CDK17: variants seen among roughly 807,000 people sequenced by gnomAD.
CDK17 encodes the protein cyclin dependent kinase 17, also known as cyclin-dependent kinase 17.
A neutral mutation model predicts 77.6 loss-of-function variants in CDK17; 24 were observed. That is an observed-to-expected ratio of 0.31 (90% CI 0.22 to 0.44). The LOEUF (loss-of-function observed/expected upper bound fraction) is 0.44. CDK17 is among the 20% of genes least tolerant of loss of function. The probability of loss-of-function intolerance (pLI) is 1.00; values close to 1 mark genes in which losing one functional copy is unlikely to be tolerated. For synonymous variants in CDK17, 203 were observed against 210.4 expected (o/e 0.96, Z 0.30); for missense variants, 429 against 622.5 (o/e 0.69, Z 3.31).
intron 2 of CDK17, among the ~76,000 whole-genome samples, chr12:96,327,507 C>T (rs1407347256): frequency 1.3e-5 from 2 of 152,154 alleles, no homozygotes; most frequent in Non-Finnish European, 2.9e-5. Context: ...TACCACCCAG[C>T]TTTTAGTCAG....
At chr12:96,345,083 G>T (rs147482986) in intron 1 of CDK17, among the ~76,000 whole-genome samples, 1 of 152,122 alleles carries the variant, frequency 6.6e-6, no homozygotes, top group African/African-American at 2.4e-5. Context: ...GAGGTGTTTG[G>T]TTTTCTGTTT....
intron 1 of CDK17, among the ~76,000 whole-genome samples, chr12:96,384,624 G>A (rs1592769858): frequency 6.6e-6 from 1 of 152,188 alleles, no homozygotes; most frequent in East Asian, 1.9e-4. Context: ...GGATGCAGCT[G>A]GAGACCATTA....
chr12:96,364,937 G>A (rs1430378830), intron 1 of CDK17, among the ~76,000 whole-genome samples: 1 of 152,090 alleles, frequency 6.6e-6, no homozygotes, highest in Non-Finnish European at 1.5e-5. Flanking sequence ...TGCAGAACTT[G>A]GCAAAAGCAT....
At chr12:96,396,752 G>T (rs191218805) in intron 1 of CDK17, among the ~76,000 whole-genome samples, 94 of 152,090 alleles carry the variant, frequency 6.2e-4, no homozygotes, top group Non-Finnish European at 1.1e-3. Flanking sequence ...TATCCATCCT[G>T]AAAGTCTAAA....
chr12:96,295,838 T>C (rs533024741), intron 9 of CDK17, among the ~76,000 whole-genome samples: 1 of 152,306 alleles, frequency 6.6e-6, no homozygotes, highest in African/African-American at 2.4e-5. Context: ...GAGTTTTTGC[T>C]GTACATTTTG....
At chr12:96,318,445 G>A (rs201747215) in intron 3 of CDK17, among the ~76,000 whole-genome samples, 3,985 of 113,492 alleles carry the variant, frequency 0.035, 60 homozygotes, top group South Asian at 0.077. Context: ...TGCACCAAGC[G>A]GACCTAATAG....
At chr12:96,347,859 C>A (rs866056041) in intron 1 of CDK17, among the ~76,000 whole-genome samples, 1 of 152,020 alleles carries the variant, frequency 6.6e-6, no homozygotes, top group Non-Finnish European at 1.5e-5. Flanking sequence ...CTTTTCCAAT[C>A]AAAATGGAAT....
intron 1 of CDK17, among the ~76,000 whole-genome samples, chr12:96,384,048 T>C (rs960465269): frequency 4.0e-5 from 6 of 150,096 alleles, no homozygotes; most frequent in Non-Finnish European, 5.9e-5. Flanking sequence ...ATACGGAACT[T>C]AAATCCACAA....
chr12:96,313,828 G>C (rs909745423), intron 3 of CDK17, among the ~76,000 whole-genome samples: 63 of 152,128 alleles, frequency 4.1e-4, no homozygotes, highest in Non-Finnish European at 7.5e-4. Flanking sequence ...TAGATGCAGA[G>C]CTGGAATAGA....
rs1324451500 is a variant in CDK17, at chr12:96,286,702, G to A, written c.1178C>T (p.Thr393Ile). ...AATTAAGTGCAGTTCATCTTCCACG[G>A]TTGATCCTGGAAATAAAGGTCTTCC... The part of the protein sequence containing the change: ...ASGRPLFPGS[T>I]VEDELHLIFR... Residue 393 changes from threonine to isoleucine, a missense_variant, in exon 12 of 17, where the codon ACC becomes ATC. Transcript: ENST00000261211. 27 of 1,613,322 alleles carry A rather than the reference G, an allele frequency of 1.7e-5. No individual in the cohort carries two copies. The highest frequency in any genetic ancestry group is 2.1e-5 in the Non-Finnish European group (25 of 1,179,586).
intron 1 of CDK17, among the ~76,000 whole-genome samples, chr12:96,375,014 T>C (rs1051324674): frequency 2.0e-5 from 3 of 152,158 alleles, no homozygotes; most frequent in Non-Finnish European, 2.9e-5. Flanking sequence ...CACTGGCCAA[T>C]AATCTTACTA....
At chr12:96,299,972 C>T (rs923911200) in intron 6 of CDK17, among the ~76,000 whole-genome samples, 7 of 152,190 alleles carry the variant, frequency 4.6e-5, no homozygotes, top group Admixed American at 2.6e-4. Context: ...CAGGTCTGAA[C>T]TCATGCAATT....
chr12:96,357,346 T>C (rs1017729040), intron 1 of CDK17, among the ~76,000 whole-genome samples: 8 of 152,166 alleles, frequency 5.3e-5, no homozygotes, highest in Admixed American at 4.6e-4. Context: ...CCTGTAGTCC[T>C]AGCTACTTAG....
At chr12:96,376,205 A>G (rs2137217808) in intron 1 of CDK17, among the ~76,000 whole-genome samples, 1 of 152,296 alleles carries the variant, frequency 6.6e-6, no homozygotes, top group South Asian at 2.1e-4. Context: ...AACCCATATA[A>G]ACCAACATCA....
intron 10 of CDK17, among the ~76,000 whole-genome samples, chr12:96,291,387 G>A (rs1952322264): frequency 6.6e-6 from 1 of 152,028 alleles, no homozygotes; most frequent in African/African-American, 2.4e-5. Flanking sequence ...AACCTCCCGG[G>A]CACAACTGAT....
At chr12:96,317,941 C>A (rs1253555551) in intron 3 of CDK17, among the ~76,000 whole-genome samples, 1 of 150,358 alleles carries the variant, frequency 6.7e-6, no homozygotes, top group Non-Finnish European at 1.5e-5. Flanking sequence ...CAAATTCACA[C>A]ATAACAATAT....
chr12:96,283,718 C>T (rs1375442692), intron 13 of CDK17, 73 bp from the exon 14 acceptor site: 1 of 989,810 alleles, frequency 1.0e-6, no homozygotes, highest in African/African-American at 1.6e-5. Flanking sequence ...AAACTATTTT[C>T]TAAGTGTTTT....
At chr12:96,387,952 AT>A (rs973323868) in intron 1 of CDK17, among the ~76,000 whole-genome samples, 10 of 152,202 alleles carry the variant, frequency 6.6e-5, no homozygotes, top group African/African-American at 9.6e-5. Context: ...CTAAAAAAAA[AT>A]AATAATAAAA....
At chr12:96,352,041 TG>T (rs1373371083) in intron 1 of CDK17, among the ~76,000 whole-genome samples, 5 of 152,248 alleles carry the variant, frequency 3.3e-5, no homozygotes, top group Non-Finnish European at 7.4e-5. Flanking sequence ...AAAACAGGGC[TG>T]GGATCATGGT....
Sources: allele counts gnomAD v4.1 joint callset (sites outside exome capture counted in the v4.1 genomes callset), GRCh38; gene constraint gnomAD v4.1.1; transcripts MANE v1.5; gene names NCBI Gene and HGNC (gene_info 2026-07-23, HGNC 2026-07-21).